UBE2R2: variants seen among roughly 807,000 people sequenced by gnomAD.
The protein encoded by UBE2R2 is ubiquitin conjugating enzyme E2 R2.
UBE2R2 carries 1 observed loss-of-function variant against 27.8 expected under a neutral mutation model. That is an observed-to-expected ratio of 0.04 (90% CI 0.01 to 0.17). The LOEUF (loss-of-function observed/expected upper bound fraction) is 0.17. Ranked by LOEUF, UBE2R2 falls within the 10% of genes least tolerant of loss-of-function variation. The probability of loss-of-function intolerance (pLI) is 1.00; values close to 1 mark genes in which losing one functional copy is unlikely to be tolerated. For missense variants in UBE2R2, 100 were observed against 291.0 expected (o/e 0.34, Z 4.78); for synonymous variants, 106 against 113.3 (o/e 0.94, Z 0.41).
intron 2 of UBE2R2, among the ~76,000 whole-genome samples, chr9:33,893,646 A>T (rs139472968): frequency 2.6e-5 from 4 of 152,032 alleles, no homozygotes; most frequent in East Asian, 3.9e-4. Context: ...TTATTTATTT[A>T]TTTTTTGAGA....
intron 1 of UBE2R2, among the ~76,000 whole-genome samples, chr9:33,833,615 C>T (rs191693106): frequency 1.2e-4 from 18 of 152,194 alleles, no homozygotes; most frequent in South Asian, 6.2e-4. Context: ...TTACATTTTA[C>T]GACATAGCAT....
intron 3 of UBE2R2, among the ~76,000 whole-genome samples, chr9:33,911,402 CAAAAAAAAAAAAAAAAAAA>C (rs60526576): frequency 1.3e-4 from 7 of 53,208 alleles, no homozygotes; most frequent in Non-Finnish European, 1.6e-4. Flanking sequence ...AACTCCATCT[CAAAAAAAAAAAAAAAAAAA>C]AAAAAAAAAA....
intron 1 of UBE2R2, chr9:33,831,074 C>CAGAAAAAA (rs1820464673): frequency 1.1e-5 from 1 of 88,280 alleles, no homozygotes; most frequent in African/African-American, 4.6e-5. Context: ...ACTGAACTAG[C>CAGAAAAAA]AAAAAAAAAA....
intron 2 of UBE2R2, among the ~76,000 whole-genome samples, chr9:33,897,238 A>G (rs1822131768): frequency 6.8e-6 from 1 of 146,298 alleles, no homozygotes; most frequent in African/African-American, 2.5e-5. Context: ...GGGTTTCACC[A>G]TGTTAGCCAG....
chr9:33,864,936 C>T (rs1361164651), intron 1 of UBE2R2, among the ~76,000 whole-genome samples: 2 of 151,968 alleles, frequency 1.3e-5, no homozygotes, highest in African/African-American at 4.8e-5. Flanking sequence ...TGTTGGCTGG[C>T]TGGTCTTGAA....
chr9:33,848,779 A>G (rs1233669227), intron 1 of UBE2R2, among the ~76,000 whole-genome samples: 1 of 151,494 alleles, frequency 6.6e-6, no homozygotes, highest in African/African-American at 2.4e-5. Context: ...AGATTTTTGT[A>G]TTTTTAGTAG....
intron 1 of UBE2R2, among the ~76,000 whole-genome samples, chr9:33,834,005 G>C (rs551125999): frequency 6.6e-6 from 1 of 152,128 alleles, no homozygotes. Flanking sequence ...ATAACATTCC[G>C]TTGTTTGTAT....
chr9:33,887,894 C>G (rs1821898037), intron 2 of UBE2R2, among the ~76,000 whole-genome samples: 1 of 152,182 alleles, frequency 6.6e-6, no homozygotes, highest in Non-Finnish European at 1.5e-5. Flanking sequence ...CCAGGCTGTT[C>G]TTGAATTCCT....
intron 1 of UBE2R2, among the ~76,000 whole-genome samples, chr9:33,870,933 A>G (rs573579899): frequency 5.9e-5 from 9 of 152,300 alleles, no homozygotes; most frequent in South Asian, 2.1e-4. Flanking sequence ...CTCATTGACT[A>G]TACTTCCTGT....
At chr9:33,909,976 G>C (rs1206276141) in intron 3 of UBE2R2, among the ~76,000 whole-genome samples, 1 of 151,928 alleles carries the variant, frequency 6.6e-6, no homozygotes, top group Non-Finnish European at 1.5e-5. Context: ...TTTTGGCTTG[G>C]GGCCCAGAGC....
intron 1 of UBE2R2, among the ~76,000 whole-genome samples, chr9:33,831,961 T>C (rs1820496144): frequency 6.7e-6 from 1 of 150,096 alleles, no homozygotes; most frequent in Non-Finnish European, 1.5e-5. Flanking sequence ...GCGCCCGACC[T>C]GTGACCCAGG....
intron 1 of UBE2R2, among the ~76,000 whole-genome samples, chr9:33,820,236 T>C (rs1157728057): frequency 6.6e-6 from 1 of 152,242 alleles, no homozygotes; most frequent in Non-Finnish European, 1.5e-5. Context: ...AAGGATTCCT[T>C]GTGTTAATAC....
intron 1 of UBE2R2, among the ~76,000 whole-genome samples, chr9:33,836,631 C>A (rs998402654): frequency 6.6e-6 from 1 of 152,034 alleles, no homozygotes; most frequent in Non-Finnish European, 1.5e-5. Context: ...GTGGCACATG[C>A]CTGTAGTCCC....
chr9:33,874,474 A>G (rs977634006), intron 1 of UBE2R2, among the ~76,000 whole-genome samples: 2 of 152,088 alleles, frequency 1.3e-5, no homozygotes, highest in Non-Finnish European at 2.9e-5. Flanking sequence ...TGAGCTGATC[A>G]TTGTTAATGG....
At position 33,919,454 on chromosome 9, in the gene UBE2R2, T is replaced by G. The variant is rs1486417417; in HGVS notation, c.*2217T>G. On this transcript the variant is annotated 3_prime_UTR_variant, in exon 5 of 5. Coordinates refer to ENST00000263228, the MANE Select transcript of UBE2R2 (RefSeq NM_017811.4). Reference sequence around the variant, plus strand: ...TGCGGGAGGTGCTCTGCTGCACAGCTGTTCCATCAGGCCCTATTGGCCTCT... The same window carrying G: ...TGCGGGAGGTGCTCTGCTGCACAGCGGTTCCATCAGGCCCTATTGGCCTCT... 6.6e-6 allele frequency: 1 copy of G among 152,270 alleles called. No homozygotes were observed. Among genetic ancestry groups the G allele is most frequent in the Non-Finnish European group, 1.5e-5 (1 of 68,064 alleles). The allele number at this position is 152,270 out of a possible 1,614,324, so 9.4% of individuals were successfully genotyped here. A position where few individuals can be genotyped will look rare whatever the true frequency, so the allele number is the denominator to read the frequency against.
At chr9:33,838,279 G>GTT (rs11443878) in intron 1 of UBE2R2, among the ~76,000 whole-genome samples, 29 of 137,192 alleles carry the variant, frequency 2.1e-4, no homozygotes, top group South Asian at 2.0e-3. Flanking sequence ...TTTTTTTCTT[G>GTT]TTTTTTTTTC....
chr9:33,851,517 T>G (rs1820966368), intron 1 of UBE2R2, among the ~76,000 whole-genome samples: 1 of 152,216 alleles, frequency 6.6e-6, no homozygotes, highest in African/African-American at 2.4e-5. Context: ...CCTTTATAGT[T>G]TCGGCAGTAC....
chr9:33,878,664 C>T (rs750146937), intron 1 of UBE2R2, among the ~76,000 whole-genome samples: 1 of 152,108 alleles, frequency 6.6e-6, no homozygotes, highest in Non-Finnish European at 1.5e-5. Context: ...TAGGAAAATA[C>T]ATTGCGAGGG....
At chr9:33,837,116 T>C in intron 1 of UBE2R2, among the ~76,000 whole-genome samples, 1 of 152,222 alleles carries the variant, frequency 6.6e-6, no homozygotes, top group Non-Finnish European at 1.5e-5. Context: ...TCAAGATATT[T>C]TCTCCTCTAT....
Sources: allele counts gnomAD v4.1 joint callset (sites outside exome capture counted in the v4.1 genomes callset), GRCh38; gene constraint gnomAD v4.1.1; transcripts MANE v1.5; gene names NCBI Gene and HGNC (gene_info 2026-07-23, HGNC 2026-07-21).